Variants in GON4L observed in about 807,000 individuals in gnomAD.
GON4L encodes gon-4 like.
Under a neutral mutation model 211.8 loss-of-function variants are expected in GON4L, and 87 were observed. The ratio of observed to expected loss-of-function variants is 0.41; its 90% CI spans 0.35 to 0.49. The LOEUF (loss-of-function observed/expected upper bound fraction) is 0.49. Among genes scored for constraint, GON4L ranks in the 20% least tolerant of loss-of-function variants. The pLI, the probability that GON4L is intolerant of heterozygous loss-of-function variation, is 0.15. For synonymous variants in GON4L, 875 were observed against 962.6 expected (o/e 0.91, Z 1.68); for missense variants, 2,155 against 2,659.5 (o/e 0.81, Z 4.17).
chr1:155,757,588 G>A (rs1661330886), intron 25 of GON4L, among the ~76,000 whole-genome samples: 1 of 150,244 alleles, frequency 6.7e-6, no homozygotes, highest in African/African-American at 2.5e-5. Flanking sequence ...ATTCCAAGCA[G>A]AGCAAGGAGG....
At chr1:155,804,344 C>G (rs909105991) in intron 11 of GON4L, among the ~76,000 whole-genome samples, 4 of 152,016 alleles carry the variant, frequency 2.6e-5, no homozygotes, top group African/African-American at 4.8e-5. Flanking sequence ...CCACTGTGAT[C>G]CACCCTGGGC....
Position 155,766,708 on chromosome 1 carries a change from G to T in GON4L, c.2765C>A (p.Ala922Asp), listed in dbSNP as rs368458497. 6.2e-7 allele frequency: 1 copy of T among 1,613,934 alleles called. No individual in the cohort carries two copies. Among genetic ancestry groups the T allele is most frequent in the Admixed American group, 1.7e-5 (1 of 59,992 alleles). Residue 922 changes from alanine to aspartate, a missense_variant and splice_region_variant, in exon 21 of 32, where the codon GCC (alanine) becomes GAC (aspartate). Physicochemically the swap from Ala to Asp is moderately radical, Grantham distance 126. Transcript: ENST00000368331. ...EEHRLPFWLKASLPSIQEELR... is the reference protein window; with the variant it reads ...EEHRLPFWLKDSLPSIQEELR... ...TTCTTCCTGGATGGATGGCAGACTGGCCTATTGGAAACAAGAACACTCTGA... is the reference window on the plus strand; with the variant it reads ...TTCTTCCTGGATGGATGGCAGACTGTCCTATTGGAAACAAGAACACTCTGA...
intron 10 of GON4L, among the ~76,000 whole-genome samples, chr1:155,810,161 A>G (rs982037651): frequency 1.0e-4 from 15 of 150,380 alleles, no homozygotes. Context: ...ATGCCCAGCT[A>G]ATTTTTGTAT....
rs1043045979 is a variant in GON4L at position 155,816,010 on chromosome 1, A to G, written c.1066-110T>C. Reference sequence around the variant, plus strand: ...GAAAAAAAAAAAATCCTAAGAGCATAATGTACAGCTAAAGCAAATAACACG... The same window carrying G: ...GAAAAAAAAAAAATCCTAAGAGCATGATGTACAGCTAAAGCAAATAACACG... On this transcript the variant is annotated intron_variant, in intron 7 of 31. Transcript: ENST00000368331. The G allele has an allele frequency of 9.3e-6, 7 of 752,264 alleles. No homozygotes were observed. In the African/African-American group the frequency reaches 1.2e-4, roughly 13 times the overall value. 46.6% of individuals were successfully genotyped at this position (752,264 alleles called of 1,614,324 possible). A position where few individuals can be genotyped will look rare whatever the true frequency, so the allele number is the denominator to read the frequency against.
chr1:155,798,952 C>A (rs551160742), intron 11 of GON4L, among the ~76,000 whole-genome samples: 107 of 152,170 alleles, frequency 7.0e-4, no homozygotes, highest in Middle Eastern at 3.4e-3. Flanking sequence ...GCTTTTAGTA[C>A]CCTGATTGTG....
intron 3 of GON4L, among the ~76,000 whole-genome samples, chr1:155,823,380 A>T (rs756244630): frequency 9.2e-5 from 14 of 152,222 alleles, no homozygotes; most frequent in Admixed American, 3.9e-4. Flanking sequence ...CAATATATGA[A>T]AAAACTCAGA....
In GON4L at chr1:155,757,207, G is replaced by C. The variant is rs753438628; in HGVS notation, c.5370C>G (p.Ile1790Met). ...AASRMGDFEE[I>M]NWTEEKEYEF... ...CATACTCCTTTTCCTCAGTCCAATT[G>C]ATCTCTTCAAAGTCACCCATCCGGC... is the stretch of plus-strand genomic sequence containing the variant. The change falls in exon 26 of 32, where the codon ATC becomes ATG. Residue 1790 changes from isoleucine (I) to methionine (M), a missense_variant. Around this residue, in one of 6 missense-constraint regions of GON4L, gnomAD observed 455 missense variants for 504.6 expected, o/e 0.90. Coordinates refer to ENST00000368331, the MANE Select transcript of GON4L (RefSeq NM_001282860.2). 6.2e-7 allele frequency: 1 copy of C among 1,613,850 alleles called. No homozygotes were observed. Among genetic ancestry groups the C allele is most frequent in the East Asian group, 2.2e-5 (1 of 44,866 alleles).
chr1:155,810,733 C>G (rs1478740251), intron 10 of GON4L, among the ~76,000 whole-genome samples: 1 of 150,892 alleles, frequency 6.6e-6, no homozygotes, highest in Non-Finnish European at 1.5e-5. Context: ...AATTTACTGG[C>G]TAAGGCCAGG....
chr1:155,793,181 T>G (rs1163250161), intron 12 of GON4L, among the ~76,000 whole-genome samples: 1 of 152,240 alleles, frequency 6.6e-6, no homozygotes, highest in African/African-American at 2.4e-5. Context: ...AACCTTTTCA[T>G]TCTACATTTT....
At chr1:155,847,830 T>C (rs141553064) in intron 2 of GON4L, among the ~76,000 whole-genome samples, 41 of 152,042 alleles carry the variant, frequency 2.7e-4, no homozygotes, top group African/African-American at 8.4e-4. Context: ...GCCAAGATCG[T>C]GCCACTACAC....
intron 14 of GON4L, among the ~76,000 whole-genome samples, chr1:155,783,662 A>T (rs758461880): frequency 4.6e-5 from 7 of 152,256 alleles, no homozygotes; most frequent in Non-Finnish European, 8.8e-5. Context: ...AGGGACAGAC[A>T]GGATATTACA....
At chr1:155,817,565 C>A (rs982785873) in intron 6 of GON4L, among the ~76,000 whole-genome samples, 2 of 152,024 alleles carry the variant, frequency 1.3e-5, no homozygotes, top group African/African-American at 2.4e-5. Flanking sequence ...TACCTACTGC[C>A]AAATCCATTA....
intron 2 of GON4L, among the ~76,000 whole-genome samples, chr1:155,840,316 C>G (rs989399637): frequency 2.0e-4 from 31 of 152,226 alleles, no homozygotes; most frequent in African/African-American, 7.5e-4. Flanking sequence ...GACAATTACA[C>G]TGCAGAGAGA....
At chr1:155,759,978 T>C (rs1017221131) in intron 24 of GON4L, among the ~76,000 whole-genome samples, 1 of 146,844 alleles carries the variant, frequency 6.8e-6, no homozygotes, top group Non-Finnish European at 1.5e-5. Flanking sequence ...TATATATATA[T>C]ATATGATATA....
intron 16 of GON4L, 78 bp from the exon 17 acceptor site, chr1:155,775,251 AAGCTGACCTTCCTACTACAGG>A (rs1422472745): frequency 6.3e-7 from 1 of 1,577,390 alleles, no homozygotes; most frequent in Admixed American, 1.7e-5. Context: ...TCTAAATGAG[AAGCTGACCTTCCTACTACAGG>A]ATAAAAACAG....
intron 24 of GON4L, among the ~76,000 whole-genome samples, chr1:155,760,065 T>G (rs1661626675): frequency 6.6e-6 from 1 of 150,848 alleles, no homozygotes; most frequent in Non-Finnish European, 1.5e-5. Flanking sequence ...GGAATTTTAG[T>G]CTTTTGTAAT....
At position 155,822,292 on chromosome 1, in the gene GON4L, G is replaced by A; in HGVS notation, c.882C>T (p.Ile294=). 16 of 1,612,314 alleles carry A rather than the reference G, an allele frequency of 9.9e-6. No homozygotes were observed. The highest frequency in any genetic ancestry group is 1.4e-5 in the Non-Finnish European group (16 of 1,178,362). ...HNLTAVNVRN[I]LHEVITNEHV... Reference sequence around the variant, plus strand: ...CTGCCCCAGTCTTACTCACATGAAGGATGTTTCGGACATTGACTGCTGTTA... The same window carrying A: ...CTGCCCCAGTCTTACTCACATGAAGAATGTTTCGGACATTGACTGCTGTTA... Residue 294 remains isoleucine (I), a synonymous_variant, in exon 4 of 32, where the codon ATC becomes ATT. Transcript: ENST00000368331.
intron 2 of GON4L, among the ~76,000 whole-genome samples, chr1:155,852,009 A>T (rs558931077): frequency 9.9e-4 from 150 of 151,708 alleles, no homozygotes; most frequent in African/African-American, 3.3e-3. Context: ...TAATAAAAAT[A>T]AAAAAATTAG....
At chr1:155,844,974 G>A (rs527644646) in intron 2 of GON4L, among the ~76,000 whole-genome samples, 2 of 152,284 alleles carry the variant, frequency 1.3e-5, no homozygotes, top group South Asian at 4.1e-4. Flanking sequence ...TGACCCCTTA[G>A]ATGAGGCATC....
Sources: gnomAD v4.1 joint callset for allele counts (sites outside exome capture counted in the v4.1 genomes callset) on GRCh38, gnomAD v4.1.1 for gene constraint, gnomAD v4.1.1 regional missense constraint, MANE v1.5 for transcripts, NCBI Gene and HGNC (gene_info 2026-07-23, HGNC 2026-07-21) for gene names.